CNTN5: variants seen among roughly 807,000 people sequenced by gnomAD.
CNTN5 encodes the protein contactin-5.
CNTN5 carries 77 observed loss-of-function variants against 129.1 expected under a neutral mutation model. That is an observed-to-expected ratio of 0.60 (90% CI 0.50 to 0.72). The LOEUF (loss-of-function observed/expected upper bound fraction) is 0.72. Among genes scored for constraint, CNTN5 ranks in the 30% least tolerant of loss-of-function variants. The probability of loss-of-function intolerance (pLI) is 0.00; values close to 1 mark genes in which losing one functional copy is unlikely to be tolerated. For missense variants in CNTN5, 1,478 were observed against 1,328.8 expected, an observed-to-expected ratio of 1.11 and a Z score of -1.75; for synonymous variants, 509 against 465.6, an observed-to-expected ratio of 1.09 and a Z score of -1.20.
At position 99,801,614 on chromosome 11, in the gene CNTN5, C is replaced by T. The variant is rs182795122; in HGVS notation, c.56-17930C>T. Among the ~76,000 whole-genome samples the T allele has an allele frequency of 5.8e-5, 8 of 138,756 alleles. No homozygotes were observed. In the East Asian group the frequency reaches 1.8e-3, roughly 31 times the overall value. The allele number at this position is 138,756 out of a possible 152,430, so 91.0% of individuals were successfully genotyped here. Reference sequence around the variant, plus strand: ...CTTTATGTGATTCCATATTTCTTGACAACTTTTTTTAACTCTTTTTTAAAT... The same window carrying T: ...CTTTATGTGATTCCATATTTCTTGATAACTTTTTTTAACTCTTTTTTAAAT... On this transcript the variant is annotated intron_variant, in intron 3 of 24. Coordinates refer to ENST00000524871, the MANE Select transcript of CNTN5 (RefSeq NM_014361.4).
intron 8 of CNTN5, among the ~76,000 whole-genome samples, chr11:99,982,131 A>G (rs1938386238): frequency 6.6e-6 from 1 of 152,214 alleles, no homozygotes; most frequent in Admixed American, 6.5e-5. Flanking sequence ...TAAGCTGATA[A>G]CTTCAGTGAA....
chr11:99,733,025 T>C (rs1943583964), intron 3 of CNTN5, among the ~76,000 whole-genome samples: 1 of 152,124 alleles, frequency 6.6e-6, no homozygotes, highest in South Asian at 2.1e-4. Context: ...CTGGTGACCC[T>C]GGAACAGTGA....
At chr11:100,222,882 G>A (rs893959687) in intron 15 of CNTN5, among the ~76,000 whole-genome samples, 5 of 151,790 alleles carry the variant, frequency 3.3e-5, no homozygotes, top group Non-Finnish European at 7.4e-5. Context: ...AGCTAAAGTG[G>A]GCCCATCTTA....
chr11:99,770,324 T>C (rs760181889), intron 3 of CNTN5, among the ~76,000 whole-genome samples: 1 of 152,124 alleles, frequency 6.6e-6, no homozygotes, highest in Non-Finnish European at 1.5e-5. Flanking sequence ...TTCTTATATC[T>C]GTTCCTTTCA....
rs554349535 is a variant in CNTN5, at chr11:99,224,981, G to A, written c.-209-100365G>A. On this transcript the variant is annotated intron_variant, in intron 1 of 24. Coordinates refer to ENST00000524871, the MANE Select transcript of CNTN5 (RefSeq NM_014361.4). ...ATTAATTTTGGAGGGACTAGCAGTA[G>A]CTTTTCCAAAGAGAGACGTCTTGAA... 2.0e-4 allele frequency among the ~76,000 whole-genome samples: 31 copies of A among 152,230 alleles called. No individual in the cohort carries two copies. The South Asian group carries it at 5.4e-3, about 26-fold the overall frequency.
At chr11:99,894,373 T>C (rs565229298) in intron 6 of CNTN5, among the ~76,000 whole-genome samples, 1 of 151,680 alleles carries the variant, frequency 6.6e-6, no homozygotes, top group Non-Finnish European at 1.5e-5. Flanking sequence ...TAGTTCTGGA[T>C]AACCAAAACC....
intron 2 of CNTN5, among the ~76,000 whole-genome samples, chr11:99,354,253 A>G (rs1938492402): frequency 6.6e-6 from 1 of 152,334 alleles, no homozygotes; most frequent in Non-Finnish European, 1.5e-5. Flanking sequence ...CAGATAAATC[A>G]CATGCTATTT....
rs1005438665 is a variant in CNTN5 at position 100,357,676 on chromosome 11, A to G, written c.*1456A>G. The stretch of plus-strand genomic sequence containing the variant: ...ACAAAAATTGGTTTTATAATTTTAT[A>G]TAATTTAAACTTGTTAACTGTATTT... On this transcript the variant is annotated 3_prime_UTR_variant, in exon 25 of 25. Coordinates refer to ENST00000524871, the MANE Select transcript of CNTN5 (RefSeq NM_014361.4). 12 of 151,402 alleles carry G rather than the reference A, an allele frequency of 7.9e-5. No individual in the cohort carries two copies. Among genetic ancestry groups the G allele is most frequent in the African/African-American group, 2.9e-4 (12 of 41,022 alleles). The allele number at this position is 151,402 out of a possible 1,614,324, so 9.4% of individuals were successfully genotyped here. A position where few individuals can be genotyped will look rare whatever the true frequency, so the allele number is the denominator to read the frequency against.
chr11:99,710,287 C>T (rs1309977886), intron 3 of CNTN5, among the ~76,000 whole-genome samples: 1 of 151,852 alleles, frequency 6.6e-6, no homozygotes, highest in African/African-American at 2.4e-5. Flanking sequence ...CTCCATAGAA[C>T]CTTGCCCCAT....
intron 3 of CNTN5, among the ~76,000 whole-genome samples, chr11:99,720,485 A>T (rs1943136066): frequency 6.6e-6 from 1 of 152,118 alleles, no homozygotes; most frequent in South Asian, 2.1e-4. Context: ...ACTCTCAATA[A>T]ACTAGGTATT....
chr11:100,217,434 A>G (rs1053487593), intron 15 of CNTN5, among the ~76,000 whole-genome samples: 8 of 152,222 alleles, frequency 5.3e-5, no homozygotes, highest in African/African-American at 1.9e-4. Context: ...AAATAATTAC[A>G]TAATTGTGCA....
At chr11:99,737,459 T>C (rs1243733335) in intron 3 of CNTN5, among the ~76,000 whole-genome samples, 1 of 152,156 alleles carries the variant, frequency 6.6e-6, no homozygotes, top group African/African-American at 2.4e-5. Context: ...TCCAGGTAGT[T>C]TGAAAAAGTG....
intron 3 of CNTN5, among the ~76,000 whole-genome samples, chr11:99,727,487 T>C (rs1943391201): frequency 6.6e-6 from 1 of 151,912 alleles, no homozygotes; most frequent in Admixed American, 6.6e-5. Flanking sequence ...AATATAATTT[T>C]CATAGTTATT....
At chr11:99,551,812 T>G (rs1360384487) in intron 2 of CNTN5, among the ~76,000 whole-genome samples, 1 of 152,160 alleles carries the variant, frequency 6.6e-6, no homozygotes, top group Non-Finnish European at 1.5e-5. Flanking sequence ...ATAATTATCT[T>G]ATGGGAACAT....
At chr11:99,388,346 C>T (rs1249156734) in intron 2 of CNTN5, among the ~76,000 whole-genome samples, 4 of 134,398 alleles carry the variant, frequency 3.0e-5, no homozygotes, top group Admixed American at 1.7e-4. Context: ...ACCAAGGAAG[C>T]AGAGGTTGTA....
intron 1 of CNTN5, among the ~76,000 whole-genome samples, chr11:99,114,159 CTA>C (rs1172224897): frequency 2.0e-5 from 3 of 152,128 alleles, no homozygotes; most frequent in Non-Finnish European, 4.4e-5. Context: ...CATGATACCT[CTA>C]TGAATTTTGA....
chr11:100,231,455 G>T (rs769387305), intron 16 of CNTN5, among the ~76,000 whole-genome samples: 9 of 152,156 alleles, frequency 5.9e-5, no homozygotes, highest in Non-Finnish European at 8.8e-5. Context: ...ATGAGAACGA[G>T]AAGGCAAAGA....
intron 13 of CNTN5, among the ~76,000 whole-genome samples, chr11:100,102,276 G>C (rs1591247207): frequency 1.3e-5 from 2 of 151,888 alleles, no homozygotes; most frequent in East Asian, 3.9e-4. Flanking sequence ...GAGTAGGATG[G>C]TATCTCATTG....
intron 15 of CNTN5, among the ~76,000 whole-genome samples, chr11:100,202,238 A>C (rs1187355925): frequency 6.6e-6 from 1 of 152,036 alleles, no homozygotes; most frequent in Non-Finnish European, 1.5e-5. Flanking sequence ...GATCTAGGGC[A>C]TATCTAGAAC....
Sources: gnomAD v4.1 joint callset for allele counts (sites outside exome capture counted in the v4.1 genomes callset) on GRCh38, gnomAD v4.1.1 for gene constraint, MANE v1.5 for transcripts, NCBI Gene and HGNC (gene_info 2026-07-23, HGNC 2026-07-21) for gene names.